MAST4: variants seen among roughly 807,000 people sequenced by gnomAD.
MAST4 encodes microtubule associated serine/threonine kinase family member 4, also known as microtubule-associated serine/threonine-protein kinase 4.
Under a neutral mutation model 162.7 loss-of-function variants are expected in MAST4, and 89 were observed. The ratio of observed to expected loss-of-function variants is 0.55; its 90% CI spans 0.46 to 0.65. The LOEUF is 0.65. Ranked by LOEUF, MAST4 falls within the 30% of genes least tolerant of loss-of-function variation. The pLI, the probability that MAST4 is intolerant of heterozygous loss-of-function variation, is 0.00. For missense variants in MAST4, 3,153 were observed against 3,374.0 expected (o/e 0.93, Z 1.62); for synonymous variants, 1,479 against 1,361.1 (o/e 1.09, Z -1.91).
chr5:66,814,846 ATT>A (rs35643133), intron 3 of MAST4, among the ~76,000 whole-genome samples: 5 of 151,432 alleles, frequency 3.3e-5, no homozygotes, highest in Admixed American at 2.0e-4. Context: ...CATCCTAGAG[ATT>A]TTTTTTTTCC....
chr5:66,683,413 G>T (rs556574620), intron 1 of MAST4, among the ~76,000 whole-genome samples: 1 of 152,096 alleles, frequency 6.6e-6, no homozygotes, highest in South Asian at 2.1e-4. Context: ...GTGTTTCCCA[G>T]ATTAACCTAG....
intron 3 of MAST4, among the ~76,000 whole-genome samples, chr5:66,835,560 AC>A (rs1479855434): frequency 2.6e-5 from 4 of 152,204 alleles, no homozygotes; most frequent in African/African-American, 4.8e-5. Flanking sequence ...ATGACAAAAG[AC>A]AAAGGAGACT....
intron 4 of MAST4, among the ~76,000 whole-genome samples, chr5:66,911,570 C>T (rs200780896): frequency 2.4e-5 from 2 of 84,158 alleles, no homozygotes; most frequent in South Asian, 6.4e-4. Flanking sequence ...CCCCCCCCCC[C>T]CCCCCGCAAA....
At chr5:67,063,376 C>G (rs528595058) in intron 5 of MAST4, among the ~76,000 whole-genome samples, 1 of 152,294 alleles carries the variant, frequency 6.6e-6, no homozygotes, top group South Asian at 2.1e-4. Flanking sequence ...TATGCAGATC[C>G]ATCTGCCCTG....
intron 3 of MAST4, among the ~76,000 whole-genome samples, chr5:66,820,957 A>G (rs768477508): frequency 2.0e-5 from 3 of 152,238 alleles, no homozygotes; most frequent in Non-Finnish European, 4.4e-5. Flanking sequence ...AAAATCATGC[A>G]TGTTACGTTG....
chr5:66,656,518 A>T (rs1746559894), intron 1 of MAST4, among the ~76,000 whole-genome samples: 1 of 152,142 alleles, frequency 6.6e-6, no homozygotes. Context: ...TCACAGGGTT[A>T]TCTGGTCTTT....
In MAST4 at chr5:66,629,422, T is replaced by A. The variant is rs529920659; in HGVS notation, c.363+32404T>A. On this transcript the variant is annotated intron_variant, in intron 1 of 28. Transcript: ENST00000403625. ...GCCTTGGCCTCTCCCTTTGGAAGCC[T>A]TTTTCTTTCCATTCCCTGCTGTCCT... Among the ~76,000 whole-genome samples, 332 of 152,296 alleles carry A rather than the reference T, an allele frequency of 2.2e-3. 1 individual carries two copies. Among genetic ancestry groups the A allele is most frequent in the Non-Finnish European group, 1.3e-3 (91 of 68,022 alleles).
chr5:67,007,030 A>C (rs534584203), intron 4 of MAST4, among the ~76,000 whole-genome samples: 1 of 152,272 alleles, frequency 6.6e-6, no homozygotes, highest in East Asian at 1.9e-4. Flanking sequence ...TCATCTCTAC[A>C]TCCATCGAGT....
intron 3 of MAST4, among the ~76,000 whole-genome samples, chr5:66,836,913 C>G (rs1401481527): frequency 6.6e-6 from 1 of 151,968 alleles, no homozygotes; most frequent in African/African-American, 2.4e-5. Context: ...TAAAAGAAAC[C>G]ACATGTACCC....
At chr5:66,612,678 T>C (rs949411960) in intron 1 of MAST4, among the ~76,000 whole-genome samples, 19 of 152,170 alleles carry the variant, frequency 1.2e-4, no homozygotes, top group African/African-American at 4.1e-4. Context: ...AAGCTGAAAG[T>C]GCCTACGGGG....
At chr5:66,865,817 G>A (rs891822347) in intron 3 of MAST4, among the ~76,000 whole-genome samples, 1 of 152,162 alleles carries the variant, frequency 6.6e-6, no homozygotes, top group Non-Finnish European at 1.5e-5. Flanking sequence ...GCTCACGCCT[G>A]TAATCCCAGC....
At chr5:66,629,037 A>G (rs1744627605) in intron 1 of MAST4, among the ~76,000 whole-genome samples, 1 of 152,208 alleles carries the variant, frequency 6.6e-6, no homozygotes. Flanking sequence ...AAAAACCTTC[A>G]CAGCAGATAT....
intron 3 of MAST4, among the ~76,000 whole-genome samples, chr5:66,838,537 T>C (rs1758191136): frequency 6.6e-6 from 1 of 152,202 alleles, no homozygotes; most frequent in Non-Finnish European, 1.5e-5. Context: ...GTGAAGGGTT[T>C]CTGTTATGGT....
intron 3 of MAST4, among the ~76,000 whole-genome samples, chr5:66,808,676 G>A (rs1756326022): frequency 1.3e-5 from 2 of 152,124 alleles, no homozygotes; most frequent in Non-Finnish European, 2.9e-5. Context: ...AACATCACTT[G>A]CGTTCACAGC....
intron 1 of MAST4, among the ~76,000 whole-genome samples, chr5:66,648,089 A>T (rs201444892): frequency 0.014 from 1,461 of 108,206 alleles, 10 homozygotes; most frequent in Admixed American, 0.034. Context: ...TGTGTGAGAG[A>T]GAGAGAGAGA....
At chr5:66,862,361 A>G (rs989390639) in intron 3 of MAST4, among the ~76,000 whole-genome samples, 2 of 152,184 alleles carry the variant, frequency 1.3e-5, no homozygotes, top group African/African-American at 2.4e-5. Flanking sequence ...TTTTTTCTAA[A>G]CTGAAGGGAC....
At chr5:67,096,447 CTT>C (rs912974439) in intron 7 of MAST4, among the ~76,000 whole-genome samples, 1 of 152,156 alleles carries the variant, frequency 6.6e-6, no homozygotes, top group Non-Finnish European at 1.5e-5. Flanking sequence ...ATCTGGCTCT[CTT>C]TGCACCAGCA....
intron 19 of MAST4, among the ~76,000 whole-genome samples, chr5:67,141,251 G>C (rs1581699609): frequency 1.3e-5 from 2 of 152,314 alleles, no homozygotes; most frequent in Admixed American, 1.3e-4. Flanking sequence ...AGTCCCTGTA[G>C]TAGCTTCTCA....
intron 2 of MAST4, among the ~76,000 whole-genome samples, chr5:66,775,893 A>G (rs1754578358): frequency 6.6e-6 from 1 of 152,162 alleles, no homozygotes; most frequent in Non-Finnish European, 1.5e-5. Flanking sequence ...TTATTCATTG[A>G]TCAATATTGA....
Sources: gnomAD v4.1 joint callset for allele counts (sites outside exome capture counted in the v4.1 genomes callset) on GRCh38, gnomAD v4.1.1 for gene constraint, MANE v1.5 for transcripts, NCBI Gene and HGNC (gene_info 2026-07-23, HGNC 2026-07-21) for gene names.